NEIL2: variants seen among roughly 807,000 people sequenced by gnomAD.
The protein encoded by NEIL2 is endonuclease 8-like 2.
In NEIL2, 23 loss-of-function variants were observed where a neutral mutation model predicts 22.2. That is an observed-to-expected ratio of 1.04 (90% CI 0.75 to 1.47). NEIL2 has a LOEUF of 1.47. NEIL2 is among the 40% of genes most tolerant of loss of function. The probability of loss-of-function intolerance (pLI) is 0.00; values close to 1 mark genes in which losing one functional copy is unlikely to be tolerated. For synonymous variants in NEIL2, 229 were observed against 164.8 expected (o/e 1.39, Z -2.99); for missense variants, 583 against 404.7 (o/e 1.44, Z -3.78).
intron 2 of NEIL2, among the ~76,000 whole-genome samples, chr8:11,772,679 C>T (rs1803568471): frequency 1.3e-5 from 2 of 152,218 alleles, no homozygotes; most frequent in South Asian, 2.1e-4. Flanking sequence ...GTGCCCCCAG[C>T]ACTTAGCTGA....
At chr8:11,770,436 CG>C (rs1803338793) in intron 1 of NEIL2, 101 bp downstream of exon 1, 1 of 152,142 alleles carries the variant, frequency 6.6e-6, no homozygotes, top group Non-Finnish European at 1.5e-5. Context: ...TACATCTCAG[CG>C]AATCGGCACC....
chr8:11,779,014 A>C (rs973999914), intron 2 of NEIL2, among the ~76,000 whole-genome samples: 23 of 142,908 alleles, frequency 1.6e-4, no homozygotes, highest in African/African-American at 5.3e-4. Flanking sequence ...ATTTTCTTCT[A>C]CTGAAATCAT....
chr8:11,783,912 G>C (rs144385264), intron 4 of NEIL2, among the ~76,000 whole-genome samples: 5 of 152,358 alleles, frequency 3.3e-5, no homozygotes, highest in Non-Finnish European at 7.4e-5. Context: ...TGAAGAAGCT[G>C]TTTCCCTCTC....
At chr8:11,771,717 C>T (rs959170648) in intron 2 of NEIL2, 132 bp downstream of exon 2, 8 of 851,748 alleles carry the variant, frequency 9.4e-6, no homozygotes, top group Non-Finnish European at 1.3e-5. Context: ...ATGCAGCTCC[C>T]TCTTTCAGTC....
intron 4 of NEIL2, among the ~76,000 whole-genome samples, chr8:11,784,350 G>A (rs1804710462): frequency 1.3e-5 from 2 of 152,224 alleles, no homozygotes; most frequent in Admixed American, 1.3e-4. Flanking sequence ...CAGCTCTGAT[G>A]TGCCAGGCAC....
intron 2 of NEIL2, among the ~76,000 whole-genome samples, chr8:11,778,622 C>T (rs982293199): frequency 3.3e-5 from 5 of 151,786 alleles, no homozygotes; most frequent in African/African-American, 1.2e-4. Flanking sequence ...TCTAGGCCTA[C>T]ATATTGCATA....
chr8:11,773,811 A>G (rs369477645), intron 2 of NEIL2, among the ~76,000 whole-genome samples: 1 of 152,166 alleles, frequency 6.6e-6, no homozygotes, highest in East Asian at 1.9e-4. Context: ...ATTACTCATA[A>G]CAGACTCAGA....
At chr8:11,781,004 A>C (rs1247071861) in intron 3 of NEIL2, among the ~76,000 whole-genome samples, 1 of 151,976 alleles carries the variant, frequency 6.6e-6, no homozygotes, top group Non-Finnish European at 1.5e-5. Context: ...GTCTCTTGGC[A>C]TTTGGGATTT....
chr8:11,784,767 G>A (rs575498479), intron 4 of NEIL2, among the ~76,000 whole-genome samples: 3 of 152,334 alleles, frequency 2.0e-5, no homozygotes, highest in Non-Finnish European at 4.4e-5. Context: ...TCTGGAAGGA[G>A]GGATCGAGGC....
chr8:11,777,166 T>TC (rs1188759430), intron 2 of NEIL2, among the ~76,000 whole-genome samples: 1 of 151,914 alleles, frequency 6.6e-6, no homozygotes, highest in Non-Finnish European at 1.5e-5. Context: ...TCTTTTCTTT[T>TC]TTTTTTGTAC....
intron 2 of NEIL2, among the ~76,000 whole-genome samples, chr8:11,772,963 A>C (rs1212703018): frequency 6.6e-6 from 1 of 151,948 alleles, no homozygotes; most frequent in African/African-American, 2.4e-5. Context: ...AACCGTTGTT[A>C]GTTAGAACTG....
At chr8:11,782,029 A>C (rs1804465131) in intron 3 of NEIL2, among the ~76,000 whole-genome samples, 1 of 152,054 alleles carries the variant, frequency 6.6e-6, no homozygotes, top group Admixed American at 6.6e-5. Flanking sequence ...GTGCCACTAT[A>C]CTCCAGCCTG....
At chr8:11,779,983 C>T (rs755401253) in intron 3 of NEIL2, 33 bp downstream of exon 3, 1 of 1,580,110 alleles carries the variant, frequency 6.3e-7, no homozygotes, top group Non-Finnish European at 8.7e-7. Flanking sequence ...TTCGTGGGCT[C>T]TGATAGTCAT....
chr8:11,777,870 C>T (rs1308845237), intron 2 of NEIL2, among the ~76,000 whole-genome samples: 1 of 152,248 alleles, frequency 6.6e-6, no homozygotes, highest in Non-Finnish European at 1.5e-5. Flanking sequence ...TGGCATTATT[C>T]CATTCAGGAG....
intron 4 of NEIL2, among the ~76,000 whole-genome samples, 177 bp downstream of exon 4, chr8:11,783,576 C>T (rs1433685523): frequency 6.6e-6 from 1 of 152,216 alleles, no homozygotes; most frequent in Non-Finnish European, 1.5e-5. Flanking sequence ...GGCATTAGAT[C>T]AGGCAGTTTT....
chr8:11,781,705 C>G (rs1260303983), intron 3 of NEIL2, among the ~76,000 whole-genome samples: 1 of 152,158 alleles, frequency 6.6e-6, no homozygotes, highest in Non-Finnish European at 1.5e-5. Context: ...TTTGCTTTGT[C>G]TCTTTTTTCT....
chr8:11,781,646 C>G (rs1023367116), intron 3 of NEIL2, among the ~76,000 whole-genome samples: 3 of 152,202 alleles, frequency 2.0e-5, no homozygotes, highest in Non-Finnish European at 4.4e-5. Flanking sequence ...TTTTAAATCT[C>G]TTTTTACCTG....
At chr8:11,779,424 C>T (rs8191607) in intron 2 of NEIL2, among the ~76,000 whole-genome samples, 174 bp from the exon 3 acceptor site, 9,235 of 152,206 alleles carry the variant, frequency 0.061, 372 homozygotes, top group Middle Eastern at 0.11. Flanking sequence ...AAACCACATG[C>T]GAACTGCTCA....
intron 3 of NEIL2, among the ~76,000 whole-genome samples, chr8:11,782,027 ATAC>A (rs923588561): frequency 2.0e-5 from 3 of 152,020 alleles, no homozygotes; most frequent in Admixed American, 2.0e-4. Flanking sequence ...TTGTGCCACT[ATAC>A]TCCAGCCTGG....
Sources: gnomAD v4.1 joint callset for allele counts (sites outside exome capture counted in the v4.1 genomes callset) on GRCh38, gnomAD v4.1.1 for gene constraint, MANE v1.5 for transcripts, NCBI Gene and HGNC (gene_info 2026-07-23, HGNC 2026-07-21) for gene names.